Variants in UTRN observed in about 807,000 individuals in gnomAD.
UTRN encodes the protein utrophin.
UTRN carries 283 observed loss-of-function variants against 463.9 expected under a neutral mutation model. That is an observed-to-expected ratio of 0.61 (90% confidence interval 0.55 to 0.67). The LOEUF (loss-of-function observed/expected upper bound fraction) is 0.67, where lower values mean the gene tolerates loss of function less well. Ranked by LOEUF, UTRN falls within the 30% of genes least tolerant of loss-of-function variation. The probability of loss-of-function intolerance (pLI) is 0.00; values close to 1 mark genes in which losing one functional copy is unlikely to be tolerated. For synonymous variants in UTRN, 1,442 were observed against 1,431.5 expected (o/e 1.01, Z -0.17); for missense variants, 3,922 against 4,084.3 (o/e 0.96, Z 1.08).
chr6:144,420,222 C>G (rs569565395), intron 3 of UTRN, among the ~76,000 whole-genome samples: 1 of 152,184 alleles, frequency 6.6e-6, no homozygotes, highest in South Asian at 2.1e-4. Flanking sequence ...GACTGTTCAT[C>G]TCTGTGGAGA....
At chr6:144,670,032 A>T (rs563330886) in intron 51 of UTRN, among the ~76,000 whole-genome samples, 1 of 149,272 alleles carries the variant, frequency 6.7e-6, no homozygotes, top group East Asian at 2.0e-4. Context: ...TTGTTGACTG[A>T]TTGGTATTTG....
intron 2 of UTRN, among the ~76,000 whole-genome samples, chr6:144,326,042 G>A (rs1775952993): frequency 6.6e-6 from 1 of 152,156 alleles, no homozygotes; most frequent in Admixed American, 6.5e-5. Flanking sequence ...TATAAGCATA[G>A]TATTTAGAAA....
At chr6:144,318,225 A>G (rs532113014) in intron 2 of UTRN, among the ~76,000 whole-genome samples, 1 of 152,208 alleles carries the variant, frequency 6.6e-6, no homozygotes, top group South Asian at 2.1e-4. Flanking sequence ...TACTTCTTCA[A>G]GTTTATTTAG....
At chr6:144,313,962 CAT>C (rs1775108384) in intron 2 of UTRN, among the ~76,000 whole-genome samples, 1 of 152,042 alleles carries the variant, frequency 6.6e-6, no homozygotes, top group African/African-American at 2.4e-5. Flanking sequence ...TTATAATATA[CAT>C]GTTATGTCTT....
intron 58 of UTRN, among the ~76,000 whole-genome samples, chr6:144,767,015 A>G (rs1793434068): frequency 6.6e-6 from 1 of 152,046 alleles, no homozygotes; most frequent in South Asian, 2.1e-4. Context: ...TGGAGAGAGA[A>G]AGGAGTCCTC....
chr6:144,801,941 C>T (rs913810446), intron 64 of UTRN, among the ~76,000 whole-genome samples: 2 of 152,098 alleles, frequency 1.3e-5, no homozygotes, highest in Non-Finnish European at 2.9e-5. Context: ...CTTGAAATTC[C>T]AATTAGAACC....
chr6:144,344,217 G>A (rs1457246094), intron 2 of UTRN: 6 of 1,303,920 alleles, frequency 4.6e-6, no homozygotes, highest in African/African-American at 3.0e-5. Context: ...GGTGATGAGC[G>A]GCCTGGCAGC....
chr6:144,578,657 C>T (rs1801675818), intron 51 of UTRN, among the ~76,000 whole-genome samples: 1 of 152,122 alleles, frequency 6.6e-6, no homozygotes, highest in African/African-American at 2.4e-5. Context: ...TGATACATGT[C>T]TCTGCTTGTC....
At chr6:144,505,523 T>C (rs1794620647) in intron 34 of UTRN, among the ~76,000 whole-genome samples, 1 of 152,234 alleles carries the variant, frequency 6.6e-6, no homozygotes, top group African/African-American at 2.4e-5. Context: ...CAGAAGTCAT[T>C]CAGGAGCAGG....
intron 2 of UTRN, chr6:144,331,138 A>T: frequency 1.5e-6 from 1 of 664,040 alleles, no homozygotes; most frequent in Non-Finnish European, 1.9e-6. Context: ...CAGATTCTAA[A>T]TTATTTTGTC....
intron 46 of UTRN, among the ~76,000 whole-genome samples, chr6:144,546,764 G>C (rs1798445797): frequency 6.6e-6 from 1 of 152,126 alleles, no homozygotes; most frequent in Non-Finnish European, 1.5e-5. Context: ...AGCTGTGTTC[G>C]TGCCTCTGCT....
At chr6:144,328,194 T>C (rs1414614561) in intron 2 of UTRN, among the ~76,000 whole-genome samples, 1 of 123,748 alleles carries the variant, frequency 8.1e-6, no homozygotes, top group African/African-American at 4.2e-5. Flanking sequence ...GTTTCTTTCC[T>C]TTTTTTTTTT....
At position 144,321,501 on chromosome 6, in the gene UTRN, G is replaced by A. The variant is rs558870931; in HGVS notation, c.79+29594G>A. On this transcript the variant is annotated intron_variant, in intron 2 of 74. Transcript: ENST00000367545. Reference sequence around the variant, plus strand: ...TTTTTTTTTTTTGAGACAGAGTCTCGCTCTGTCATCCAGGCTGGAGTGCAG... The same window carrying A: ...TTTTTTTTTTTTGAGACAGAGTCTCACTCTGTCATCCAGGCTGGAGTGCAG... 4.6e-3 allele frequency among the ~76,000 whole-genome samples: 571 copies of A among 125,238 alleles called. 2 individuals carry two copies. The highest frequency in any genetic ancestry group is 0.016 in the African/African-American group (537 of 32,786). 82.2% of individuals were successfully genotyped at this position (125,238 alleles called of 152,430 possible).
intron 30 of UTRN, 33 bp from the exon 31 acceptor site, chr6:144,490,038 G>A (rs1341066620): frequency 1.3e-6 from 2 of 1,584,556 alleles, no homozygotes; most frequent in Admixed American, 1.9e-5. Flanking sequence ...AAAAAAAAAA[G>A]GACATCCTCT....
chr6:144,439,500 T>C (rs6932693), intron 12 of UTRN, among the ~76,000 whole-genome samples: 10,722 of 152,116 alleles, frequency 0.07, 501 homozygotes, highest in Admixed American at 0.16. Context: ...CTTTCTTTCT[T>C]TCTTTTTTTT....
chr6:144,806,741 G>GAA (rs1778186730), intron 65 of UTRN, among the ~76,000 whole-genome samples: 1 of 141,158 alleles, frequency 7.1e-6, no homozygotes, highest in South Asian at 2.6e-4. Flanking sequence ...TTAGCTTGAA[G>GAA]AAACCTTTGC....
chr6:144,395,248 C>T (rs1314384465), intron 2 of UTRN, among the ~76,000 whole-genome samples: 2 of 152,086 alleles, frequency 1.3e-5, no homozygotes, highest in South Asian at 4.1e-4. Context: ...TGTTCTATGA[C>T]ATTTCTAGCA....
intron 2 of UTRN, among the ~76,000 whole-genome samples, chr6:144,329,703 G>A (rs1474675447): frequency 6.6e-6 from 1 of 152,228 alleles, no homozygotes; most frequent in East Asian, 1.9e-4. Flanking sequence ...AGAGGTCAGT[G>A]AAAAGATCTA....
intron 52 of UTRN, among the ~76,000 whole-genome samples, chr6:144,687,830 T>C (rs1401663112): frequency 6.6e-6 from 1 of 152,198 alleles, no homozygotes; most frequent in Non-Finnish European, 1.5e-5. Flanking sequence ...TATGCTTTGC[T>C]GATGTCCTTT....
Sources: gnomAD v4.1 joint callset for allele counts (sites outside exome capture counted in the v4.1 genomes callset) on GRCh38, gnomAD v4.1.1 for gene constraint, MANE v1.5 for transcripts, NCBI Gene and HGNC (gene_info 2026-07-23, HGNC 2026-07-21) for gene names.